Variants in MIPOL1 observed in about 807,000 individuals in gnomAD.
MIPOL1 encodes mirror-image polydactyly gene 1 protein.
A neutral mutation model predicts 60.9 loss-of-function variants in MIPOL1; 57 were observed. The observed-to-expected ratio is 0.94, with a 90% CI of 0.76 to 1.17. The LOEUF (loss-of-function observed/expected upper bound fraction) is 1.17. Among genes scored for constraint, MIPOL1 ranks in the 50% most tolerant of loss-of-function variants. The pLI, the probability that MIPOL1 is intolerant of heterozygous loss-of-function variation, is 0.00. For missense variants in MIPOL1, 551 were observed against 511.6 expected (o/e 1.08, Z -0.74); for synonymous variants, 179 against 168.8 (o/e 1.06, Z -0.47).
chr14:37,527,747 G>A (rs1419914513), intron 12 of MIPOL1, among the ~76,000 whole-genome samples: 1 of 152,026 alleles, frequency 6.6e-6, no homozygotes, highest in Non-Finnish European at 1.5e-5. Flanking sequence ...GACTTATGAT[G>A]TTAGAAAAGA....
At chr14:37,355,678 C>G (rs2091760235) in intron 9 of MIPOL1, among the ~76,000 whole-genome samples, 2 of 128,662 alleles carry the variant, frequency 1.6e-5, no homozygotes, top group Admixed American at 8.4e-5. Context: ...CGCTGATACC[C>G]TTTCTTCCAG....
At chr14:37,295,539 T>C in intron 7 of MIPOL1, among the ~76,000 whole-genome samples, 1 of 152,132 alleles carries the variant, frequency 6.6e-6, no homozygotes, top group East Asian at 1.9e-4. Context: ...GACCCATCAG[T>C]ATGCTGTATC....
chr14:37,419,242 A>G (rs139637562), intron 10 of MIPOL1, among the ~76,000 whole-genome samples: 59 of 152,312 alleles, frequency 3.9e-4, no homozygotes, highest in Non-Finnish European at 7.2e-4. Flanking sequence ...AAGAAGCTAG[A>G]CTCAAAAGAC....
intron 7 of MIPOL1, among the ~76,000 whole-genome samples, chr14:37,293,099 T>C (rs1431185076): frequency 6.6e-6 from 1 of 151,910 alleles, no homozygotes; most frequent in African/African-American, 2.4e-5. Context: ...TCTTGCTTCC[T>C]CTGTACAGAT....
At chr14:37,370,438 C>A in intron 10 of MIPOL1, among the ~76,000 whole-genome samples, 1 of 152,016 alleles carries the variant, frequency 6.6e-6, no homozygotes, top group East Asian at 1.9e-4. Flanking sequence ...TTTTATTGTA[C>A]AATAAGAAAA....
intron 1 of MIPOL1, among the ~76,000 whole-genome samples, chr14:37,243,989 A>G (rs546794895): frequency 2.0e-5 from 3 of 151,688 alleles, no homozygotes; most frequent in Admixed American, 1.3e-4. Context: ...TGGTGAGTGC[A>G]TGTAGGAAAC....
rs2095550302 is a variant in MIPOL1, at chr14:37,547,041, A to G, written c.*70A>G. The G allele has an allele frequency of 7.5e-7, 1 of 1,327,698 alleles. No individual in the cohort carries two copies. The highest frequency in any genetic ancestry group is 1.4e-5 in the African/African-American group (1 of 69,468). 82.2% of individuals were successfully genotyped at this position (1,327,698 alleles called of 1,614,324 possible). ...CAGGCTGCTTCATTCAACACTGTGT[A>G]AACACCAAAGCCTTAACTTAGCAAA... On this transcript the variant is annotated 3_prime_UTR_variant, in exon 13 of 13. Coordinates refer to ENST00000684589, the MANE Select transcript of MIPOL1 (RefSeq NM_001388067.1).
At chr14:37,261,288 G>GA (rs546225025) in intron 3 of MIPOL1, among the ~76,000 whole-genome samples, 60 of 144,552 alleles carry the variant, frequency 4.2e-4, no homozygotes, top group African/African-American at 1.2e-3. Flanking sequence ...AAGAGAAAAA[G>GA]AAAAAAAAAA....
chr14:37,546,991 T>C lies in MIPOL1; in HGVS notation c.*20T>C. The C allele has an allele frequency of 6.2e-7, 1 of 1,609,602 alleles. No individual in the cohort carries two copies. The highest frequency in any genetic ancestry group is 1.1e-5 in the South Asian group (1 of 90,740). On this transcript the variant is annotated 3_prime_UTR_variant, in exon 13 of 13. Coordinates refer to ENST00000684589, the MANE Select transcript of MIPOL1 (RefSeq NM_001388067.1). ...ATCTGATTGAAAAAAAACGACAGTC[T>C]GGGGAAGCGATCACATCTGGTGACC...
intron 4 of MIPOL1, among the ~76,000 whole-genome samples, chr14:37,268,165 T>C (rs2083022222): frequency 6.6e-6 from 1 of 152,344 alleles, no homozygotes; most frequent in African/African-American, 2.4e-5. Flanking sequence ...GCATAGGAAC[T>C]TTTATTCTAC....
At chr14:37,224,710 C>T (rs554026640) in intron 1 of MIPOL1, among the ~76,000 whole-genome samples, 14 of 152,110 alleles carry the variant, frequency 9.2e-5, no homozygotes, top group South Asian at 4.2e-4. Context: ...ATCGTTCCAC[C>T]CCGGCCCCTC....
At chr14:37,333,508 A>G (rs550080051) in intron 9 of MIPOL1, among the ~76,000 whole-genome samples, 1 of 152,234 alleles carries the variant, frequency 6.6e-6, no homozygotes, top group Non-Finnish European at 1.5e-5. Context: ...GTCTGTAAGA[A>G]GCATACTTGA....
intron 1 of MIPOL1, among the ~76,000 whole-genome samples, chr14:37,201,030 G>A (rs1965250432): frequency 6.6e-6 from 1 of 150,946 alleles, no homozygotes; most frequent in African/African-American, 2.4e-5. Flanking sequence ...GGCTTCCCAA[G>A]TAGCTAGGGT....
chr14:37,427,428 A>G (rs1339992292), intron 11 of MIPOL1, among the ~76,000 whole-genome samples: 4 of 152,196 alleles, frequency 2.6e-5, no homozygotes, highest in Non-Finnish European at 5.9e-5. Flanking sequence ...ATACGGAGTT[A>G]TAAGAGTGGG....
chr14:37,392,501 G>A (rs1042512568), intron 10 of MIPOL1, among the ~76,000 whole-genome samples: 6 of 151,988 alleles, frequency 3.9e-5, no homozygotes, highest in Admixed American at 1.3e-4. Flanking sequence ...TTTCCATTAT[G>A]TATACCTTTT....
At position 37,547,069 on chromosome 14, in the gene MIPOL1, G is replaced by A. The variant is rs767959505; in HGVS notation, c.*98G>A. The A allele has an allele frequency of 7.1e-6, 7 of 984,440 alleles. No homozygotes were observed. Among genetic ancestry groups the A allele is most frequent in the Admixed American group, 2.2e-5 (1 of 46,386 alleles). The allele number at this position is 984,440 out of a possible 1,614,324, so 61.0% of individuals were successfully genotyped here. ...CACCAAAGCCTTAACTTAGCAAACA[G>A]TTGTTAGAAGTGGGACACTCCAACC... On this transcript the variant is annotated 3_prime_UTR_variant, in exon 13 of 13. Transcript: ENST00000684589.
At chr14:37,283,880 A>G (rs992913967) in intron 6 of MIPOL1, among the ~76,000 whole-genome samples, 3 of 152,116 alleles carry the variant, frequency 2.0e-5, no homozygotes, top group Non-Finnish European at 4.4e-5. Context: ...CATACACCAT[A>G]CTGTTTTCCA....
intron 10 of MIPOL1, among the ~76,000 whole-genome samples, chr14:37,419,406 G>A (rs1488323461): frequency 6.6e-6 from 1 of 152,264 alleles, no homozygotes; most frequent in South Asian, 2.1e-4. Context: ...AGAATATTCT[G>A]TGTCAAGACT....
At chr14:37,474,281 G>A (rs2094733170) in intron 11 of MIPOL1, among the ~76,000 whole-genome samples, 1 of 152,122 alleles carries the variant, frequency 6.6e-6, no homozygotes, top group African/African-American at 2.4e-5. Context: ...AAACCTTGGA[G>A]CATGATTGCT....
Sources: allele counts gnomAD v4.1 joint callset (sites outside exome capture counted in the v4.1 genomes callset), GRCh38; gene constraint gnomAD v4.1.1; transcripts MANE v1.5; gene names NCBI Gene and HGNC (gene_info 2026-07-23, HGNC 2026-07-21).